The following PREX2 variants were observed in gnomAD, a reference collection of about 807,000 sequenced individuals.
PREX2 encodes the protein phosphatidylinositol 3,4,5-trisphosphate-dependent Rac exchanger 2 protein.
In PREX2, 107 loss-of-function variants were observed where a neutral mutation model predicts 203.2. That is an observed-to-expected ratio of 0.53 (90% CI 0.45 to 0.62). The LOEUF is 0.62. PREX2 is among the 20% of genes least tolerant of loss of function. The pLI, the probability that PREX2 is intolerant of heterozygous loss-of-function variation, is 0.00. For missense variants in PREX2, 1,777 were observed against 1,955.9 expected, an observed-to-expected ratio of 0.91 and a Z score of 1.72; for synonymous variants, 672 against 663.6, an observed-to-expected ratio of 1.01 and a Z score of -0.19.
intron 19 of PREX2, among the ~76,000 whole-genome samples, chr8:68,089,567 T>C (rs1306040670): frequency 6.6e-6 from 1 of 152,222 alleles, no homozygotes; most frequent in Non-Finnish European, 1.5e-5. Flanking sequence ...GGTGATTTCT[T>C]GAAGCAAGGC....
chr8:68,210,503 C>T (rs1335981812), intron 37 of PREX2, among the ~76,000 whole-genome samples: 1 of 152,164 alleles, frequency 6.6e-6, no homozygotes, highest in Non-Finnish European at 1.5e-5. Context: ...AATAAATCCA[C>T]AGTAGGAAAA....
chr8:68,037,450 AG>A (rs1416844242), intron 6 of PREX2, among the ~76,000 whole-genome samples: 1 of 152,168 alleles, frequency 6.6e-6, no homozygotes, highest in Non-Finnish European at 1.5e-5. Context: ...TGTCCAACTC[AG>A]GGGGCAGCTT....
At chr8:68,066,720 T>A (rs1300283178) in intron 11 of PREX2, among the ~76,000 whole-genome samples, 1 of 152,252 alleles carries the variant, frequency 6.6e-6, no homozygotes, top group East Asian at 1.9e-4. Flanking sequence ...TTTAGTTTGA[T>A]GCAATTGCAT....
rs1482188591 is a variant in PREX2, at chr8:68,030,529, T to C, written c.576T>C (p.Ser192=). The C allele has an allele frequency of 1.9e-6, 3 of 1,613,314 alleles. No homozygotes were observed. In the African/African-American group the frequency reaches 4.0e-5, roughly 22 times the overall value. ...TGAAGCGGACTCCACGGAAACACAG[T>C]GACTATGCAGCAGTGATGGAAGCCC... The part of the protein sequence containing the change: ...ELLKRTPRKH[S]DYAAVMEALQ... Residue 192 remains serine (S), a synonymous_variant, in exon 6 of 40, where the codon AGT becomes AGC. Coordinates refer to ENST00000288368, the MANE Select transcript of PREX2 (RefSeq NM_024870.4).
At chr8:67,978,193 C>A (rs1179875970) in intron 1 of PREX2, among the ~76,000 whole-genome samples, 1 of 152,048 alleles carries the variant, frequency 6.6e-6, no homozygotes, top group South Asian at 2.1e-4. Flanking sequence ...GTGGGGAAAT[C>A]TCCCCCCTCC....
chr8:67,990,736 C>T (rs1226677563), intron 1 of PREX2, among the ~76,000 whole-genome samples: 1 of 152,062 alleles, frequency 6.6e-6, no homozygotes, highest in African/African-American at 2.4e-5. Context: ...TGGTCTCAAA[C>T]TCTTGACCTC....
rs767435093 is a variant in PREX2 at position 68,108,177 on chromosome 8, G to A, written c.2784G>A (p.Leu928=). The A allele has an allele frequency of 6.2e-7, 1 of 1,613,980 alleles. No individual in the cohort carries two copies. Among genetic ancestry groups the A allele is most frequent in the Non-Finnish European group, 8.5e-7 (1 of 1,179,932 alleles). ...AGGCCAAATCTAAAATCTCCCCACTGCACAGCAGTGATTTCTGCCCTACCA... is the reference window on the plus strand; with the variant it reads ...AGGCCAAATCTAAAATCTCCCCACTACACAGCAGTGATTTCTGCCCTACCA... The part of the protein sequence containing the change: ...FKQAKSKISP[L]HSSDFCPTNC... Residue 928 remains leucine, a synonymous_variant, in exon 24 of 40, where the codon CTG becomes CTA. Transcript: ENST00000288368.
intron 31 of PREX2, 85 bp downstream of exon 31, chr8:68,127,504 C>T (rs1341128326): frequency 3.5e-6 from 3 of 866,486 alleles, no homozygotes; most frequent in Non-Finnish European, 1.9e-6. Context: ...AGGACAACGC[C>T]TTCAACCATT....
chr8:68,228,690 C>T (rs1476402465), intron 39 of PREX2, among the ~76,000 whole-genome samples: 1 of 151,886 alleles, frequency 6.6e-6, no homozygotes, highest in Non-Finnish European at 1.5e-5. Context: ...CTCCTGAACC[C>T]AGGAGGTGGA....
intron 6 of PREX2, 50 bp from the exon 7 acceptor site, chr8:68,038,109 A>C: frequency 6.4e-7 from 1 of 1,569,388 alleles, no homozygotes; most frequent in Non-Finnish European, 8.7e-7. Context: ...AATTATTTAC[A>C]GAAGTGTCAA....
intron 32 of PREX2, among the ~76,000 whole-genome samples, chr8:68,134,738 T>A (rs1811078956): frequency 6.6e-6 from 1 of 152,240 alleles, no homozygotes; most frequent in African/African-American, 2.4e-5. Flanking sequence ...TTGCATATGT[T>A]AAATAATTTT....
chr8:68,113,232 C>T (rs369892276), intron 25 of PREX2, among the ~76,000 whole-genome samples: 7 of 152,156 alleles, frequency 4.6e-5, no homozygotes, highest in African/African-American at 1.7e-4. Context: ...TCAATGCAAG[C>T]ATGATTGCAG....
At chr8:68,201,900 A>ATTTTTTTTTTT (rs869153263) in intron 37 of PREX2, among the ~76,000 whole-genome samples, 1 of 98,260 alleles carries the variant, frequency 1.0e-5, no homozygotes, top group African/African-American at 4.4e-5. Flanking sequence ...GGTAACACCT[A>ATTTTTTTTTTT]TTTTTTTTTT....
At chr8:67,983,044 C>G (rs985399843) in intron 1 of PREX2, among the ~76,000 whole-genome samples, 1 of 152,088 alleles carries the variant, frequency 6.6e-6, no homozygotes, top group Non-Finnish European at 1.5e-5. Context: ...TCTCTTTTTC[C>G]TGATTCCTTT....
chr8:68,212,226 C>CA, intron 37 of PREX2, among the ~76,000 whole-genome samples: 1 of 152,294 alleles, frequency 6.6e-6, no homozygotes, highest in Non-Finnish European at 1.5e-5. Context: ...TGGTCTTCCC[C>CA]AAAACAGTAC....
At chr8:68,038,038 T>A (rs1464217767) in intron 6 of PREX2, 121 bp from the exon 7 acceptor site, 3 of 1,050,268 alleles carry the variant, frequency 2.9e-6, no homozygotes, top group Non-Finnish European at 4.2e-6. Flanking sequence ...CTGCTTGCAC[T>A]TTAGCCTGTG....
intron 34 of PREX2, 118 bp downstream of exon 34, chr8:68,146,470 C>G: frequency 1.1e-6 from 1 of 899,682 alleles, no homozygotes; most frequent in Non-Finnish European, 1.6e-6. Context: ...TATTATTTAG[C>G]CAATATATTT....
chr8:68,109,530 A>G lies in PREX2; in HGVS notation c.3053A>G (p.Glu1018Gly). The change falls in exon 25 of 40, where the codon GAA (glutamate) becomes GGA (glycine). Residue 1018 changes from glutamate to glycine, a missense_variant. Transcript: ENST00000288368. ...GHGLRYLLKE[E>G]DLETQDIYQK... ...GGTCTCAGGTATCTGCTAAAAGAAG[A>G]AGACTTAGAAACCCAAGACATCTAT... The G allele has an allele frequency of 6.2e-7, 1 of 1,614,074 alleles. No homozygotes were observed. The highest frequency in any genetic ancestry group is 8.5e-7 in the Non-Finnish European group (1 of 1,179,938).
chr8:68,061,539 T>C (rs942500436), intron 11 of PREX2, among the ~76,000 whole-genome samples: 2 of 152,104 alleles, frequency 1.3e-5, no homozygotes, highest in Non-Finnish European at 2.9e-5. Flanking sequence ...TCTGCCTCCG[T>C]GGGCATGAAA....
Sources: gnomAD v4.1 joint callset for allele counts (sites outside exome capture counted in the v4.1 genomes callset) on GRCh38, gnomAD v4.1.1 for gene constraint, MANE v1.5 for transcripts, NCBI Gene and HGNC (gene_info 2026-07-23, HGNC 2026-07-21) for gene names.